ANKMY1: variants seen among roughly 807,000 people sequenced by gnomAD.
The protein encoded by ANKMY1 is ankyrin repeat and MYND domain containing 1.
In ANKMY1, 98 loss-of-function variants were observed where a neutral mutation model predicts 102.0. The ratio of observed to expected loss-of-function variants is 0.96; its 90% CI spans 0.82 to 1.14. The LOEUF (loss-of-function observed/expected upper bound fraction) is 1.14. ANKMY1 is among the 50% of genes most tolerant of loss of function. The probability of loss-of-function intolerance (pLI) is 0.00; values close to 1 mark genes in which losing one functional copy is unlikely to be tolerated. For missense variants in ANKMY1, 1,330 were observed against 1,347.6 expected, an observed-to-expected ratio of 0.99 and a Z score of 0.20; for synonymous variants, 582 against 559.9, an observed-to-expected ratio of 1.04 and a Z score of -0.56.
At chr2:240,527,630 A>G (rs1433762429) in intron 5 of ANKMY1, 1 of 149,010 alleles carries the variant, frequency 6.7e-6, no homozygotes, top group Non-Finnish European at 1.5e-5. Context: ...AAGTGGGTGG[A>G]CTGATGAATG....
At chr2:240,515,738 G>T (rs1438706445) in intron 9 of ANKMY1, among the ~76,000 whole-genome samples, 1 of 151,520 alleles carries the variant, frequency 6.6e-6, no homozygotes, top group Non-Finnish European at 1.5e-5. Context: ...TTTTTTTTGA[G>T]ACTTAGTCTC....
intron 4 of ANKMY1, among the ~76,000 whole-genome samples, chr2:240,548,321 C>T (rs1048577417): frequency 6.6e-6 from 1 of 152,060 alleles, no homozygotes; most frequent in Non-Finnish European, 1.5e-5. Context: ...CAACACTTCA[C>T]GCTAAAAACT....
intron 10 of ANKMY1, 61 bp from the exon 11 acceptor site, chr2:240,512,062 A>T: frequency 6.8e-7 from 1 of 1,478,442 alleles, no homozygotes; most frequent in African/African-American, 1.5e-5. Flanking sequence ...ACGGGAAGGC[A>T]AACGGAGCAA....
chr2:240,473,055 C>T, the ANKMY1 span, among the ~76,000 whole-genome samples: 3 of 144,912 alleles, frequency 2.1e-5, no homozygotes, highest in Non-Finnish European at 4.5e-5. Flanking sequence ...ACCCGGGAGA[C>T]GGAGGCTGCA....
At chr2:240,489,451 T>G (rs1428221580) in intron 15 of ANKMY1, among the ~76,000 whole-genome samples, 1 of 139,656 alleles carries the variant, frequency 7.2e-6, no homozygotes, top group South Asian at 2.2e-4. Flanking sequence ...AGCAAGACTC[T>G]ATCTCAAAAA....
chr2:240,502,221 T>C (rs1379435522), intron 13 of ANKMY1, among the ~76,000 whole-genome samples: 1 of 137,688 alleles, frequency 7.3e-6, no homozygotes, highest in Non-Finnish European at 1.5e-5. Context: ...CACTCAGTCC[T>C]GGCACCGGGA....
Position 240,481,026 on chromosome 2 carries a change from C to T in ANKMY1, c.2957G>A (p.Cys986Tyr), listed in dbSNP as rs759161777. 3 of 1,613,992 alleles carry T rather than the reference C, an allele frequency of 1.9e-6. No individual in the cohort carries two copies. In the South Asian group the frequency reaches 3.3e-5, roughly 18 times the overall value. The change falls in exon 17 of 18, where the codon TGC becomes TAC. Residue 986 changes from cysteine to tyrosine, a missense_variant. Coordinates refer to ENST00000401804, the MANE Select transcript of ANKMY1 (RefSeq NM_001282771.3). ...CTTGCTGCAGGTCAGGATCCCGTAG[C>T]AGCGAGGGCAGGGCAAGAGGCGGAC... ...IGVRLLPCPR[C>Y]YGILTCSKYC...
At chr2:240,505,216 C>G (rs2078862562) in intron 13 of ANKMY1, among the ~76,000 whole-genome samples, 1 of 151,986 alleles carries the variant, frequency 6.6e-6, no homozygotes, top group South Asian at 2.1e-4. Flanking sequence ...AATCCCAGCA[C>G]TTTGGGAGGC....
chr2:240,527,343 T>G (rs1388018272), intron 5 of ANKMY1: 2 of 2,162 alleles, frequency 9.3e-4, no homozygotes, highest in African/African-American at 4.9e-3. Context: ...GATGGTTGGA[T>G]GAATGGATGG....
At chr2:240,526,497 C>T (rs763485127) in intron 5 of ANKMY1, 52 bp from the exon 6 acceptor site, 86 of 1,609,226 alleles carry the variant, frequency 5.3e-5, no homozygotes, top group East Asian at 1.8e-4. Flanking sequence ...GCACCTCCCA[C>T]GAGAAAGGGT....
chr2:240,497,217 G>T (rs541964171), intron 15 of ANKMY1, among the ~76,000 whole-genome samples: 1 of 150,726 alleles, frequency 6.6e-6, no homozygotes, highest in South Asian at 2.1e-4. Context: ...GGAAGCTGAG[G>T]ATAAGAATGG....
chr2:240,483,207 A>G (rs1048473335), intron 15 of ANKMY1, among the ~76,000 whole-genome samples: 2 of 151,912 alleles, frequency 1.3e-5, no homozygotes, highest in African/African-American at 4.8e-5. Flanking sequence ...GCCAGGCTAT[A>G]GTGCAGTGGC....
chr2:240,514,915 G>T (rs1040459620), intron 9 of ANKMY1, among the ~76,000 whole-genome samples: 4 of 152,358 alleles, frequency 2.6e-5, no homozygotes, highest in African/African-American at 7.2e-5. Flanking sequence ...GGGCATGCAT[G>T]GGCATGAGCA....
Position 240,520,185 on chromosome 2 carries a change from G to A in ANKMY1, c.2004+177C>T. ...GTCCAAATCCTGTCTGGGGACATGG[G>A]TGAAAGAGCGGGCTGTGGGACCCCC... On this transcript the variant is annotated intron_variant, in intron 9 of 17. Transcript: ENST00000401804. This position sits in a 1 kb window ranked among gnomAD's most constrained non-coding sequence, Gnocchi z 4.8. 1.1e-6 allele frequency: 1 copy of A among 933,546 alleles called. No individual in the cohort carries two copies. The highest frequency in any genetic ancestry group is 1.4e-5 in the South Asian group (1 of 71,124). 57.8% of individuals were successfully genotyped at this position (933,546 alleles called of 1,614,324 possible).
chr2:240,536,023 A>C (rs1282395410), intron 4 of ANKMY1, among the ~76,000 whole-genome samples: 1 of 152,226 alleles, frequency 6.6e-6, no homozygotes, highest in African/African-American at 2.4e-5. Context: ...CTGCAACCAT[A>C]CAAGGCACAC....
At chr2:240,490,874 GTTTC>G (rs1244160601) in intron 15 of ANKMY1, among the ~76,000 whole-genome samples, 2 of 152,118 alleles carry the variant, frequency 1.3e-5, no homozygotes, top group Non-Finnish European at 2.9e-5. Context: ...TCAATTCAAT[GTTTC>G]TTTGTTTATC....
At chr2:240,511,052 C>G (rs998061235) in intron 11 of ANKMY1, among the ~76,000 whole-genome samples, 3 of 152,062 alleles carry the variant, frequency 2.0e-5, no homozygotes, top group Non-Finnish European at 4.4e-5. Context: ...TGCTCCTTCT[C>G]CCTACCCTCC....
chr2:240,481,956 A>C (rs1372509076), intron 16 of ANKMY1, among the ~76,000 whole-genome samples: 1 of 152,102 alleles, frequency 6.6e-6, no homozygotes, highest in African/African-American at 2.4e-5. Context: ...CAGCTCCATG[A>C]GTGTGCCCTA....
intron 15 of ANKMY1, among the ~76,000 whole-genome samples, chr2:240,491,169 C>T (rs1403878891): frequency 6.7e-6 from 1 of 150,150 alleles, no homozygotes; most frequent in Non-Finnish European, 1.5e-5. Context: ...CTCCTGCTCA[C>T]TATTGGTTTC....
Sources: allele counts gnomAD v4.1 joint callset (sites outside exome capture counted in the v4.1 genomes callset), GRCh38; gene constraint gnomAD v4.1.1; non-coding constraint Gnocchi (gnomAD v3.1); transcripts MANE v1.5; gene names NCBI Gene and HGNC (gene_info 2026-07-23, HGNC 2026-07-21).